CIZ1: variants seen among roughly 807,000 people sequenced by gnomAD.
CIZ1 encodes the protein CDKN1A interacting zinc finger protein 1.
A neutral mutation model predicts 118.6 loss-of-function variants in CIZ1; 58 were observed. The ratio of observed to expected loss-of-function variants is 0.49; its 90% CI spans 0.40 to 0.61. CIZ1 has a LOEUF of 0.61. Among genes scored for constraint, CIZ1 ranks in the 20% least tolerant of loss-of-function variants. The pLI is 0.00. For synonymous variants in CIZ1, 448 were observed against 443.4 expected (o/e 1.01, Z -0.13); for missense variants, 921 against 1,115.9 (o/e 0.83, Z 2.49).
intron 5 of CIZ1, among the ~76,000 whole-genome samples, chr9:128,184,553 T>C (rs1832112507): frequency 6.8e-6 from 1 of 147,140 alleles, no homozygotes; most frequent in African/African-American, 2.5e-5. Flanking sequence ...AGTGCAGTAG[T>C]GTGATCATAA....
At chr9:128,195,622 A>C (rs746635628), upstream of CIZ1, among the ~76,000 whole-genome samples, 2 of 151,876 alleles carry the variant, frequency 1.3e-5, no homozygotes, top group Non-Finnish European at 2.9e-5. Flanking sequence ...CAGGCCTTCC[A>C]GACCTATTCT....
upstream of CIZ1, among the ~76,000 whole-genome samples, chr9:128,193,893 G>A (rs529348702): frequency 6.6e-6 from 1 of 152,220 alleles, no homozygotes; most frequent in African/African-American, 2.4e-5. Context: ...GCCCCCTCCC[G>A]GGGTGGTAAG....
At chr9:128,177,465 T>C (rs1230026338) in intron 10 of CIZ1, 101 bp downstream of exon 10, 2 of 779,814 alleles carry the variant, frequency 2.6e-6, no homozygotes, top group Admixed American at 3.3e-5. Context: ...GCATGGCTGC[T>C]TGGGGCAGGG....
At chr9:128,173,844 A>C (rs1368068928) in intron 11 of CIZ1, among the ~76,000 whole-genome samples, 1 of 151,904 alleles carries the variant, frequency 6.6e-6, no homozygotes, top group African/African-American at 2.4e-5. Flanking sequence ...GTCTCTACTA[A>C]AAATACAAAA....
chr9:128,191,616 G>A, upstream of CIZ1: 1 of 1,208,062 alleles, frequency 8.3e-7, no homozygotes, highest in Non-Finnish European at 1.0e-6. This position sits in a 1 kb window ranked among gnomAD's most constrained non-coding sequence, Gnocchi z 5.5. Flanking sequence ...CCCTCTGGGG[G>A]ACGGGAGGTC....
intron 10 of CIZ1, 21 bp downstream of exon 10, chr9:128,177,545 C>CCCAAAAAAAA: frequency 7.5e-7 from 1 of 1,336,170 alleles, no homozygotes; most frequent in East Asian, 2.7e-5. Flanking sequence ...CCCTCCCCAC[C>CCCAAAAAAAA]CTTATCTCCT....
intron 9 of CIZ1, among the ~76,000 whole-genome samples, chr9:128,178,103 C>G (rs565186804): frequency 2.6e-5 from 4 of 152,100 alleles, no homozygotes; most frequent in Non-Finnish European, 5.9e-5. Flanking sequence ...AGCAACATTA[C>G]CCATGCGAGG....
At position 128,179,043 on chromosome 9, in the gene CIZ1, T is replaced by G; in HGVS notation, c.1164A>C (p.Pro388=). The stretch of plus-strand genomic sequence containing the variant: ...CCTCCTGCTGCAGCTGCACCTGCCT[T>G]GGGCCCTGTGAATGTGCCTGTGGCT... ...QVQPQAHSQG[P]RQVQLQQEAE... is the part of the protein sequence containing the mutation. Residue 388 remains proline, a synonymous_variant, in exon 8 of 17, where the codon CCA becomes CCC. Coordinates refer to ENST00000372938, the MANE Select transcript of CIZ1 (RefSeq NM_001131016.2). 6.2e-7 allele frequency: 1 copy of G among 1,612,858 alleles called. No homozygotes were observed. Among genetic ancestry groups the G allele is most frequent in the African/African-American group, 1.3e-5 (1 of 74,982 alleles).
At chr9:128,193,308 G>A (rs1454250082), upstream of CIZ1, among the ~76,000 whole-genome samples, 1 of 152,184 alleles carries the variant, frequency 6.6e-6, no homozygotes, top group African/African-American at 2.4e-5. Flanking sequence ...GGGAGCACTG[G>A]AGAAGGGTGT....
chr9:128,200,356 A>G (rs1387252227), intron 1 of CIZ1, among the ~76,000 whole-genome samples: 1 of 151,980 alleles, frequency 6.6e-6, no homozygotes, highest in African/African-American at 2.4e-5. Flanking sequence ...TTAGGGGGGA[A>G]AAAGTAAAAA....
At chr9:128,189,782 T>C (rs1172908782) in intron 3 of CIZ1, among the ~76,000 whole-genome samples, 1 of 127,998 alleles carries the variant, frequency 7.8e-6, no homozygotes, top group East Asian at 2.2e-4. Context: ...ATTGCACCAT[T>C]GCACTCCACT....
At chr9:128,169,871 C>T in intron 12 of CIZ1, 149 bp downstream of exon 12, 1 of 988,680 alleles carries the variant, frequency 1.0e-6, no homozygotes, top group Non-Finnish European at 1.5e-6. Context: ...GAAGAAGAAA[C>T]AAGACTGACT....
chr9:128,183,180 C>T (rs760967959), intron 5 of CIZ1, among the ~76,000 whole-genome samples: 2 of 152,172 alleles, frequency 1.3e-5, no homozygotes, highest in African/African-American at 2.4e-5. Context: ...GAGCACTGAG[C>T]AGGGAATGGT....
rs1406648533 is a variant in CIZ1 at position 128,179,225 on chromosome 9, G to A, written c.982C>T (p.Pro328Ser). 2.5e-6 allele frequency: 4 copies of A among 1,613,964 alleles called. No homozygotes were observed. The highest frequency in any genetic ancestry group is 3.4e-6 in the Non-Finnish European group (4 of 1,180,006). The change falls in exon 8 of 17, where the codon CCG becomes TCG. Residue 328 changes from proline to serine, a missense_variant. Physicochemically the swap from Pro to Ser is moderately conservative, Grantham distance 74 (BLOSUM62 -1). Coordinates refer to ENST00000372938, the MANE Select transcript of CIZ1 (RefSeq NM_001131016.2). Reference sequence around the variant, plus strand: ...TGGGTGTCTGTGGATGGTATCCGCGGCTGAGTCTGTGACTGCACCTGGGCC... The same window carrying A: ...TGGGTGTCTGTGGATGGTATCCGCGACTGAGTCTGTGACTGCACCTGGGCC... ...VQAQVQSQTQ[P>S]RIPSTDTQVQ...
rs1011594688 is a variant in CIZ1, at chr9:128,178,959, T to C, written c.1248A>G (p.Pro416=). ...QVQPQAHSQP[P]RQVQLQLQKQ... Reference sequence around the variant, plus strand: ...TCTGCAGCTGCAGCTGCACCTGCCTTGGGGGCTGTGAATGTGCCTGGGGCT... The same window carrying C: ...TCTGCAGCTGCAGCTGCACCTGCCTCGGGGGCTGTGAATGTGCCTGGGGCT... The change falls in exon 8 of 17, where the codon CCA becomes CCG. Residue 416 remains proline, a synonymous_variant. Coordinates refer to ENST00000372938, the MANE Select transcript of CIZ1 (RefSeq NM_001131016.2). 5.6e-6 allele frequency: 9 copies of C among 1,613,300 alleles called. No homozygotes were observed. Among genetic ancestry groups the C allele is most frequent in the Non-Finnish European group, 7.6e-6 (9 of 1,179,914 alleles).
At chr9:128,188,394 G>A (rs1329588649) in intron 3 of CIZ1, among the ~76,000 whole-genome samples, 1 of 152,192 alleles carries the variant, frequency 6.6e-6, no homozygotes, top group Non-Finnish European at 1.5e-5. Flanking sequence ...TTTTCTTCAG[G>A]TGGTGAGTGA....
At chr9:128,177,964 A>G (rs1831078852) in intron 9 of CIZ1, among the ~76,000 whole-genome samples, 1 of 152,120 alleles carries the variant, frequency 6.6e-6, no homozygotes, top group Non-Finnish European at 1.5e-5. Flanking sequence ...GGCCTAAAGT[A>G]CCACTCATCC....
chr9:128,166,502 T>C lies in CIZ1; in HGVS notation c.2488-96A>G. On this transcript the variant is annotated intron_variant, in intron 16 of 16. Transcript: ENST00000372938. The surrounding 1 kb of genome is among the most constrained non-coding windows in gnomAD (Gnocchi z 4.4). ...TCCCCAGCTCTGGCTGAGACAGTAT[T>C]AGTGTGCTCTGTGACCCTGCGTGAT... 8.9e-7 allele frequency: 1 copy of C among 1,117,706 alleles called. No homozygotes were observed. Among genetic ancestry groups the C allele is most frequent in the Non-Finnish European group, 1.3e-6 (1 of 789,114 alleles). The allele number at this position is 1,117,706 out of a possible 1,614,324, so 69.2% of individuals were successfully genotyped here.
rs1564273802 is a variant in CIZ1, at chr9:128,179,377, A to G, written c.830T>C (p.Leu277Ser). ...EPTEKEPPGQ[L>S]QVKAQPQARM... ...GGCCTGCGGCTGGGCCTTCACCTGT[A>G]ACTGCCCTGGAGGTTCCTTCTCTGT... The change falls in exon 8 of 17, where the codon TTA (leucine) becomes TCA (serine). Residue 277 changes from leucine (L) to serine (S), a missense_variant. By Grantham distance (145) the Leu-to-Ser change is moderately radical (BLOSUM62 -2). Coordinates refer to ENST00000372938, the MANE Select transcript of CIZ1 (RefSeq NM_001131016.2). The G allele has an allele frequency of 6.2e-7, 1 of 1,612,276 alleles. No homozygotes were observed. Among genetic ancestry groups the G allele is most frequent in the East Asian group, 2.2e-5 (1 of 44,858 alleles).
Sources: gnomAD v4.1 joint callset for allele counts (sites outside exome capture counted in the v4.1 genomes callset) on GRCh38, gnomAD v4.1.1 for gene constraint, Gnocchi (gnomAD v3.1) non-coding constraint, MANE v1.5 for transcripts, NCBI Gene and HGNC (gene_info 2026-07-23, HGNC 2026-07-21) for gene names.